CELF2: variants seen among roughly 807,000 people sequenced by gnomAD.
CELF2 encodes CUGBP Elav-like family member 2.
In CELF2, 8 loss-of-function variants were observed where a neutral mutation model predicts 62.6. The ratio of observed to expected loss-of-function variants is 0.13; its 90% CI spans 0.07 to 0.23. The LOEUF (loss-of-function observed/expected upper bound fraction) is 0.23, where lower values mean the gene tolerates loss of function less well. Ranked by LOEUF, CELF2 falls within the 10% of genes least tolerant of loss-of-function variation. The pLI is 1.00. For missense variants in CELF2, 333 were observed against 671.0 expected (o/e 0.50, Z 5.56); for synonymous variants, 258 against 250.0 (o/e 1.03, Z -0.30).
rs180912584 is a variant in CELF2, at chr10:11,063,781, C to G, written c.74+45618C>G. Among the ~76,000 whole-genome samples, 45 of 152,282 alleles carry G rather than the reference C, an allele frequency of 3.0e-4. No individual in the cohort carries two copies. In the East Asian group the frequency reaches 7.9e-3, roughly 27 times the overall value. Reference sequence around the variant, plus strand: ...TTGGTGGTTTTCATTTTGATCCACACATTAAAATCACCTAAATAATTCTTT... The same window carrying G: ...TTGGTGGTTTTCATTTTGATCCACAGATTAAAATCACCTAAATAATTCTTT... On this transcript the variant is annotated intron_variant, in intron 1 of 12. Transcript: ENST00000633077.
the CELF2 span, among the ~76,000 whole-genome samples, chr10:10,585,252 G>A: frequency 6.6e-6 from 1 of 152,162 alleles, no homozygotes; most frequent in African/African-American, 2.4e-5. Flanking sequence ...ATAAATCCCT[G>A]ATTGGGAATT....
chr10:10,592,686 A>G, the CELF2 span, among the ~76,000 whole-genome samples: 1 of 152,172 alleles, frequency 6.6e-6, no homozygotes, highest in Non-Finnish European at 1.5e-5. Context: ...AGCTAGTTAC[A>G]GACAACCTCC....
At chr10:11,060,951 T>C (rs895766370) in intron 1 of CELF2, among the ~76,000 whole-genome samples, 4 of 152,216 alleles carry the variant, frequency 2.6e-5, no homozygotes, top group African/African-American at 9.7e-5. Flanking sequence ...GGCTTTTCTA[T>C]ACCCCAAATT....
rs1351416311 is a variant in CELF2, at chr10:11,288,420, A to T, written c.844A>T (p.Met282Leu). Residue 282 changes from methionine to leucine, a missense_variant and splice_region_variant, in exon 9 of 13, where the codon ATG (methionine) becomes TTG (leucine). By Grantham distance (15) the Met-to-Leu change is conservative (BLOSUM62 2). Transcript: ENST00000633077. Reference sequence around the variant, plus strand: ...GTAACTTTCTCTTCCCTCCACAGGCATGAATGCTTTACAGTTGCAGAACCT... The same window carrying T: ...GTAACTTTCTCTTCCCTCCACAGGCTTGAATGCTTTACAGTTGCAGAACCT... ...AFSGIQQMAG[M>L]NALQLQNLAT... 3 of 1,614,096 alleles carry T rather than the reference A, an allele frequency of 1.9e-6. No homozygotes were observed. Among genetic ancestry groups the T allele is most frequent in the Admixed American group, 1.7e-5 (1 of 60,026 alleles).
the CELF2 span, among the ~76,000 whole-genome samples, chr10:10,547,152 T>G: frequency 1.3e-5 from 2 of 152,130 alleles, no homozygotes; most frequent in Non-Finnish European, 2.9e-5. Context: ...AAAATGATTG[T>G]GTAGGGAGCC....
At position 11,246,653 on chromosome 10, in the gene CELF2, G is replaced by T. The variant is rs962440821; in HGVS notation, c.355-2500G>T. Among the ~76,000 whole-genome samples, 2 of 152,132 alleles carry T rather than the reference G, an allele frequency of 1.3e-5. No individual in the cohort carries two copies. Among genetic ancestry groups the T allele is most frequent in the African/African-American group, 4.8e-5 (2 of 41,406 alleles). ...TCCTCTCCTCTCATGGCTCCCATGGGACCAGTTGCTCCTGCAGCTCCTCCT... is the reference window on the plus strand; with the variant it reads ...TCCTCTCCTCTCATGGCTCCCATGGTACCAGTTGCTCCTGCAGCTCCTCCT... On this transcript the variant is annotated intron_variant, in intron 3 of 12. Coordinates refer to ENST00000633077, the MANE Select transcript of CELF2 (RefSeq NM_001326342.2). The surrounding 1 kb of genome is among the most constrained non-coding windows in gnomAD (Gnocchi z 4.6).
upstream of CELF2, among the ~76,000 whole-genome samples, chr10:11,002,713 G>T (rs185852294): frequency 6.6e-6 from 1 of 152,310 alleles, no homozygotes; most frequent in East Asian, 1.9e-4. This position sits in a 1 kb window ranked among gnomAD's most constrained non-coding sequence, Gnocchi z 4.4. Context: ...ATGTGAAAAG[G>T]TCTTGAAATG....
At chr10:11,084,224 G>T (rs907062980) in intron 1 of CELF2, among the ~76,000 whole-genome samples, 33 of 152,204 alleles carry the variant, frequency 2.2e-4, no homozygotes, top group Non-Finnish European at 4.3e-4. Flanking sequence ...TGTTGATGGT[G>T]TCTGCCAGAT....
In CELF2 at chr10:11,315,654, G is replaced by C. The variant is rs1015615517; in HGVS notation, c.1096+1396G>C. Among the ~76,000 whole-genome samples the C allele has an allele frequency of 3.3e-5, 5 of 152,156 alleles. No individual in the cohort carries two copies. The highest frequency in any genetic ancestry group is 6.5e-5 in the Admixed American group (1 of 15,286). ...TTTAGCTGACCATACCTCCCAAATG[G>C]GACGGCTCGTGATTAGCGTGGAGCC... On this transcript the variant is annotated intron_variant, in intron 10 of 12. Coordinates refer to ENST00000633077, the MANE Select transcript of CELF2 (RefSeq NM_001326342.2). This position sits in a 1 kb window ranked among gnomAD's most constrained non-coding sequence, Gnocchi z 5.8.
rs146974152 is a variant in CELF2 at position 11,332,675 on chromosome 10, C to T, written c.*3622C>T. ...GCCTCAGCTCCCCTTCCCCGCTCAG[C>T]ACCCTGTTAGGATCAGTGTGTGTGG... On this transcript the variant is annotated 3_prime_UTR_variant, in exon 13 of 13. Coordinates refer to ENST00000633077, the MANE Select transcript of CELF2 (RefSeq NM_001326342.2). The T allele has an allele frequency of 2.0e-5, 3 of 151,062 alleles. No individual in the cohort carries two copies. The highest frequency in any genetic ancestry group is 3.9e-4 in the East Asian group (2 of 5,190). The allele number at this position is 151,062 out of a possible 1,614,324, so 9.4% of individuals were successfully genotyped here. A position where few individuals can be genotyped will look rare whatever the true frequency, so the allele number is the denominator to read the frequency against.
At chr10:11,079,986 C>T (rs568291005) in intron 1 of CELF2, among the ~76,000 whole-genome samples, 1 of 152,264 alleles carries the variant, frequency 6.6e-6, no homozygotes, top group African/African-American at 2.4e-5. Context: ...TGAAATGGAA[C>T]CATCCAGATT....
At chr10:11,027,958 C>T (rs925144216) in intron 1 of CELF2, among the ~76,000 whole-genome samples, 2 of 152,188 alleles carry the variant, frequency 1.3e-5, no homozygotes, top group Non-Finnish European at 2.9e-5. Flanking sequence ...CAAGTTCCCC[C>T]GCATTTCCCG....
At chr10:11,109,699 A>G (rs997806230) in intron 1 of CELF2, among the ~76,000 whole-genome samples, 31 of 152,010 alleles carry the variant, frequency 2.0e-4, no homozygotes, top group Admixed American at 1.9e-3. Flanking sequence ...CTCACAATCT[A>G]TTCCTGCCTA....
At chr10:10,547,686 AGAGAGAGTGTGT>A in the CELF2 span, among the ~76,000 whole-genome samples, 1 of 136,118 alleles carries the variant, frequency 7.3e-6, no homozygotes, top group African/African-American at 2.7e-5. Flanking sequence ...AGAGAGAGAG[AGAGAGAGTGTGT>A]GTGTGTGTGT....
chr10:11,234,411 G>T (rs538603052), intron 3 of CELF2, among the ~76,000 whole-genome samples: 1 of 152,146 alleles, frequency 6.6e-6, no homozygotes, highest in Non-Finnish European at 1.5e-5. Context: ...GGCTGGGCGC[G>T]GTGGCTCACG....
intron 5 of CELF2, among the ~76,000 whole-genome samples, chr10:11,265,205 T>G (rs542922101): frequency 6.6e-6 from 1 of 152,248 alleles, no homozygotes; most frequent in Non-Finnish European, 1.5e-5. Context: ...GCTGGTTGTT[T>G]GAATGCAGAA....
chr10:10,495,575 C>T, the CELF2 span, among the ~76,000 whole-genome samples: 3,375 of 152,256 alleles, frequency 0.022, 113 homozygotes, highest in African/African-American at 0.078. Flanking sequence ...CCACAGGGTC[C>T]GCAGACAACC....
chr10:11,012,284 C>G lies in CELF2; in HGVS notation c.53+6844C>G, dbSNP rs1003515512. 3.3e-5 allele frequency among the ~76,000 whole-genome samples: 5 copies of G among 152,242 alleles called. No individual in the cohort carries two copies. The highest frequency in any genetic ancestry group is 7.3e-5 in the Non-Finnish European group (5 of 68,044). On this transcript the variant is annotated intron_variant, in intron 1 of 12. Transcript: ENST00000416382. This position sits in a 1 kb window ranked among gnomAD's most constrained non-coding sequence, Gnocchi z 5.5. ...ATCTTCTGATCCTAGTGACCACGAG[C>G]TCTTTGGGAGGGATCAGTTACCATA...
the CELF2 span, among the ~76,000 whole-genome samples, chr10:10,591,567 G>A: frequency 6.6e-6 from 1 of 151,872 alleles, no homozygotes; most frequent in South Asian, 2.1e-4. Flanking sequence ...TAAGTGTTGT[G>A]ACAAACTGTG....
Sources: gnomAD v4.1 joint callset for allele counts (sites outside exome capture counted in the v4.1 genomes callset) on GRCh38, gnomAD v4.1.1 for gene constraint, Gnocchi (gnomAD v3.1) non-coding constraint, MANE v1.5 for transcripts, NCBI Gene and HGNC (gene_info 2026-07-23, HGNC 2026-07-21) for gene names.